RTN1: variants seen among roughly 807,000 people sequenced by gnomAD.
RTN1 encodes the protein reticulon-1.
Under a neutral mutation model 65.5 loss-of-function variants are expected in RTN1, and 25 were observed. The ratio of observed to expected loss-of-function variants is 0.38; its 90% CI spans 0.28 to 0.53. The LOEUF is 0.53. Among genes scored for constraint, RTN1 ranks in the 20% least tolerant of loss-of-function variants. The pLI is 0.79. For missense variants in RTN1, 983 were observed against 1,025.4 expected (o/e 0.96, Z 0.57); for synonymous variants, 471 against 447.6 (o/e 1.05, Z -0.66).
Position 59,749,180 on chromosome 14 carries a change from ATATC to A in RTN1, c.242-2703_242-2700del, listed in dbSNP as rs1164142122. Among the ~76,000 whole-genome samples, 56 of 106,952 alleles carry A rather than the reference ATATC, an allele frequency of 5.2e-4. 1 individual carries two copies. Among genetic ancestry groups the A allele is most frequent in the East Asian group, 3.7e-3 (16 of 4,340 alleles). The allele number at this position is 106,952 out of a possible 152,430, so 70.2% of individuals were successfully genotyped here. A position where few individuals can be genotyped will look rare whatever the true frequency, so the allele number is the denominator to read the frequency against. Reference sequence around the variant, plus strand: ...TATATCTATCTATATATCTATCTATATATCTATCTATATATATCTATATATATAT... The same window carrying A: ...TATATCTATCTATATATCTATCTATATATCTATATATATCTATATATATAT... On this transcript the variant is annotated intron_variant, in intron 1 of 8. Coordinates refer to ENST00000267484, the MANE Select transcript of RTN1 (RefSeq NM_021136.3).
chr14:59,664,243 C>T (rs112273485), intron 3 of RTN1, among the ~76,000 whole-genome samples: 3,117 of 152,174 alleles, frequency 0.02, 46 homozygotes, highest in Non-Finnish European at 0.033. Context: ...TGCATGTTCT[C>T]ACTCATAAGT....
At chr14:59,632,086 A>T (rs1882568427) in intron 3 of RTN1, among the ~76,000 whole-genome samples, 2 of 152,094 alleles carry the variant, frequency 1.3e-5, no homozygotes, top group Admixed American at 1.3e-4. Context: ...GATCTTTGGG[A>T]TCATGTGTAT....
intron 1 of RTN1, among the ~76,000 whole-genome samples, chr14:59,841,727 A>ACC (rs1887317453): frequency 1.3e-5 from 2 of 149,118 alleles, no homozygotes; most frequent in African/African-American, 5.0e-5. Flanking sequence ...AAAAAAAAAA[A>ACC]CAGCAGACTC....
chr14:59,788,934 A>T (rs1001117113), intron 1 of RTN1, among the ~76,000 whole-genome samples: 5 of 152,128 alleles, frequency 3.3e-5, no homozygotes, highest in Admixed American at 6.5e-5. Flanking sequence ...TTTATTTTAT[A>T]ATTTTCCTAT....
At chr14:59,827,297 C>T (rs541625558) in intron 1 of RTN1, among the ~76,000 whole-genome samples, 1 of 152,296 alleles carries the variant, frequency 6.6e-6, no homozygotes, top group African/African-American at 2.4e-5. Flanking sequence ...CCAAGATGGT[C>T]TCAATCTCCT....
chr14:59,866,980 C>T (rs925134793), intron 1 of RTN1, among the ~76,000 whole-genome samples: 1 of 152,076 alleles, frequency 6.6e-6, no homozygotes, highest in African/African-American at 2.4e-5. Flanking sequence ...TTGGAAAATG[C>T]TTTTTGTAAT....
chr14:59,831,540 C>T (rs952415251), intron 1 of RTN1, among the ~76,000 whole-genome samples: 4 of 152,156 alleles, frequency 2.6e-5, no homozygotes, highest in Non-Finnish European at 4.4e-5. Context: ...TGGGACTTGT[C>T]AGCCTCCATA....
At chr14:59,828,643 A>G (rs1887074775) in intron 1 of RTN1, among the ~76,000 whole-genome samples, 1 of 152,232 alleles carries the variant, frequency 6.6e-6, no homozygotes, top group South Asian at 2.1e-4. Flanking sequence ...CTCAGGGAAT[A>G]GCCCACTACA....
intron 8 of RTN1, among the ~76,000 whole-genome samples, chr14:59,598,592 T>A (rs1881481429): frequency 6.6e-6 from 1 of 152,248 alleles, no homozygotes; most frequent in South Asian, 2.1e-4. Context: ...AGAGGACATG[T>A]GCAATGGTGA....
intron 2 of RTN1, among the ~76,000 whole-genome samples, chr14:59,730,267 G>A (rs1329765859): frequency 6.6e-6 from 1 of 152,132 alleles, no homozygotes; most frequent in Admixed American, 6.5e-5. Flanking sequence ...TCTGAGATGT[G>A]GCAAGTTATA....
At chr14:59,654,463 T>C (rs1348139473) in intron 3 of RTN1, among the ~76,000 whole-genome samples, 2 of 143,324 alleles carry the variant, frequency 1.4e-5, no homozygotes, top group Non-Finnish European at 3.0e-5. Flanking sequence ...AGGGAAAATA[T>C]CCCATCTCAC....
chr14:59,658,283 G>C (rs1035910009), intron 3 of RTN1, among the ~76,000 whole-genome samples: 1 of 152,212 alleles, frequency 6.6e-6, no homozygotes, highest in African/African-American at 2.4e-5. Context: ...CCAGTTCCCT[G>C]CAACAGAGCA....
chr14:59,798,742 GCC>G (rs1886485277), intron 1 of RTN1, among the ~76,000 whole-genome samples: 1 of 136,574 alleles, frequency 7.3e-6, no homozygotes, highest in Non-Finnish European at 1.5e-5. Context: ...AATCTCTTTT[GCC>G]ATATAATGTA....
rs761052970 is a variant in RTN1 at position 59,727,444 on chromosome 14, C to T, written c.1240G>A (p.Glu414Lys). The change falls in exon 3 of 9, where the codon GAG (glutamate) becomes AAG (lysine). Residue 414 changes from glutamate (E) to lysine (K), a missense_variant. Coordinates refer to ENST00000267484, the MANE Select transcript of RTN1 (RefSeq NM_021136.3). The surrounding 1 kb of genome is among the most constrained non-coding windows in gnomAD (Gnocchi z 4.2). ...GCCATGGGGTCCTCGGACACCAGCTCGATCTCTGAGTCCCCCGACTCCGCG... is the reference window on the plus strand; with the variant it reads ...GCCATGGGGTCCTCGGACACCAGCTTGATCTCTGAGTCCCCCGACTCCGCG... The part of the protein sequence containing the change: ...SSAESGDSEI[E>K]LVSEDPMAAE... 3.9e-6 allele frequency: 6 copies of T among 1,556,254 alleles called. No homozygotes were observed. The highest frequency in any genetic ancestry group is 1.2e-5 in the South Asian group (1 of 84,764).
chr14:59,720,749 T>C (rs938170364), intron 3 of RTN1, among the ~76,000 whole-genome samples: 2 of 148,286 alleles, frequency 1.3e-5, no homozygotes, highest in African/African-American at 5.0e-5. Context: ...TACTCTAAGG[T>C]GGAAAATCGA....
At chr14:59,659,128 G>A (rs1304310769) in intron 3 of RTN1, among the ~76,000 whole-genome samples, 1 of 151,484 alleles carries the variant, frequency 6.6e-6, no homozygotes, top group East Asian at 1.9e-4. Flanking sequence ...TGGAAGAAAG[G>A]ATATCAGAGA....
intron 3 of RTN1, among the ~76,000 whole-genome samples, chr14:59,691,332 T>C (rs1054083192): frequency 1.3e-5 from 2 of 152,058 alleles, no homozygotes; most frequent in South Asian, 2.1e-4. Flanking sequence ...CAAGAACATC[T>C]AGAGGAAATG....
Position 59,746,087 on chromosome 14 carries a change from G to C in RTN1, c.636C>G (p.His212Gln). 6.2e-7 allele frequency: 1 copy of C among 1,613,968 alleles called. No individual in the cohort carries two copies. Among genetic ancestry groups the C allele is most frequent in the Non-Finnish European group, 8.5e-7 (1 of 1,180,008 alleles). The change falls in exon 2 of 9, where the codon CAC becomes CAG. Residue 212 changes from histidine to glutamine, a missense_variant. Coordinates refer to ENST00000267484, the MANE Select transcript of RTN1 (RefSeq NM_021136.3). ...CCAAGTCTTTATCTTCCAGCTCGGG[G>C]TGATGTTGTTCTTGGTGCTTCACCT... is the stretch of plus-strand genomic sequence containing the variant. ...PEEVKHQEQH[H>Q]PELEDKDLDF...
chr14:59,854,351 T>C (rs1228761463), intron 1 of RTN1, among the ~76,000 whole-genome samples: 1 of 151,994 alleles, frequency 6.6e-6, no homozygotes, highest in East Asian at 1.9e-4. Flanking sequence ...GATCATAAAA[T>C]AGATGCTGTG....
Sources: gnomAD v4.1 joint callset for allele counts (sites outside exome capture counted in the v4.1 genomes callset) on GRCh38, gnomAD v4.1.1 for gene constraint, Gnocchi (gnomAD v3.1) non-coding constraint, MANE v1.5 for transcripts, NCBI Gene and HGNC (gene_info 2026-07-23, HGNC 2026-07-21) for gene names.